The following HEATR5B variants were observed in gnomAD, a reference collection of about 807,000 sequenced individuals.
HEATR5B encodes the protein HEAT repeat-containing protein 5B.
A neutral mutation model predicts 224.1 loss-of-function variants in HEATR5B; 156 were observed. The ratio of observed to expected loss-of-function variants is 0.70; its 90% CI spans 0.61 to 0.80. The LOEUF is 0.80. HEATR5B is among the 30% of genes least tolerant of loss of function. The pLI, the probability that HEATR5B is intolerant of heterozygous loss-of-function variation, is 0.00. For synonymous variants in HEATR5B, 1,027 were observed against 893.0 expected, an observed-to-expected ratio of 1.15 and a Z score of -2.68; for missense variants, 2,323 against 2,535.5, an observed-to-expected ratio of 0.92 and a Z score of 1.80.
At chr2:37,061,900 T>C (rs764944651) in intron 11 of HEATR5B, 39 bp downstream of exon 11, 2 of 1,235,082 alleles carry the variant, frequency 1.6e-6, no homozygotes, top group African/African-American at 1.5e-5. Context: ...CTACTGACAG[T>C]TATAGCGTGA....
At chr2:37,034,933 C>G (rs1206680235) in intron 21 of HEATR5B, among the ~76,000 whole-genome samples, 2 of 152,168 alleles carry the variant, frequency 1.3e-5, no homozygotes, top group Admixed American at 1.3e-4. Context: ...TAACTAATTA[C>G]AAAGTTCAAG....
intron 28 of HEATR5B, 70 bp downstream of exon 28, chr2:37,008,541 A>G (rs1353046059): frequency 9.5e-6 from 10 of 1,050,648 alleles, no homozygotes; most frequent in East Asian, 2.4e-5. Flanking sequence ...TTGCTAGTCT[A>G]TACCGTCTCT....
intron 1 of HEATR5B, 98 bp from the exon 2 acceptor site, chr2:37,083,534 T>C (rs375264887): frequency 2.3e-6 from 2 of 855,524 alleles, no homozygotes; most frequent in African/African-American, 1.7e-5. Context: ...GGACTACTCA[T>C]TTCATTTGGG....
At chr2:37,043,465 T>G (rs1670000200) in intron 18 of HEATR5B, among the ~76,000 whole-genome samples, 1 of 152,216 alleles carries the variant, frequency 6.6e-6, no homozygotes, top group Non-Finnish European at 1.5e-5. Flanking sequence ...GCCAAAGCTT[T>G]AGCGAAAAAA....
intron 35 of HEATR5B, among the ~76,000 whole-genome samples, chr2:36,985,801 C>T (rs1271418798): frequency 1.3e-5 from 2 of 151,848 alleles, no homozygotes; most frequent in African/African-American, 4.8e-5. Flanking sequence ...ATTAATAATG[C>T]TACAAATTGG....
chr2:37,082,116 C>A (rs1050573551), intron 2 of HEATR5B, among the ~76,000 whole-genome samples: 7 of 126,104 alleles, frequency 5.6e-5, no homozygotes, highest in Non-Finnish European at 9.4e-5. Context: ...GTCCCCCGGG[C>A]TGGAGTGCAT....
rs369061157 is a variant in HEATR5B at position 37,074,042 on chromosome 2, C to T, written c.597+1443G>A. Among the ~76,000 whole-genome samples, 139 of 152,204 alleles carry T rather than the reference C, an allele frequency of 9.1e-4. 2 individuals carry two copies. The South Asian group carries it at 0.028, about 30-fold the overall frequency. ...GCTTTTCGAAATGGTACTGGAGGGG[C>T]CGGGTGTGGTGGCTCACGCCTGTAA... On this transcript the variant is annotated intron_variant, in intron 5 of 35. Transcript: ENST00000233099.
rs537504406 is a variant in HEATR5B at position 37,002,837 on chromosome 2, T to C, written c.5051-265A>G. ...ATTTTGTAATAGGAATAACACATGT[T>C]AGGTTGAACCAGATGAAATTGACAA... is the stretch of plus-strand genomic sequence containing the variant. On this transcript the variant is annotated intron_variant, in intron 31 of 35. Transcript: ENST00000233099. Among the ~76,000 whole-genome samples, 4 of 152,334 alleles carry C rather than the reference T, an allele frequency of 2.6e-5. No individual in the cohort carries two copies. In the East Asian group the frequency reaches 5.8e-4, roughly 22 times the overall value.
At chr2:37,037,379 A>T (rs1669564423) in intron 21 of HEATR5B, among the ~76,000 whole-genome samples, 1 of 151,520 alleles carries the variant, frequency 6.6e-6, no homozygotes, top group African/African-American at 2.4e-5. Flanking sequence ...TCCTGACCTC[A>T]TGATCTGCCC....
intron 27 of HEATR5B, 107 bp downstream of exon 27, chr2:37,013,734 G>T: frequency 1.3e-6 from 1 of 789,126 alleles, no homozygotes; most frequent in Non-Finnish European, 2.0e-6. Context: ...CCATATCAAG[G>T]GTTAGTTTTT....
chr2:37,000,368 G>A (rs1188366602), intron 33 of HEATR5B, among the ~76,000 whole-genome samples: 2 of 152,054 alleles, frequency 1.3e-5, no homozygotes, highest in Non-Finnish European at 2.9e-5. Flanking sequence ...GGGCCACCAC[G>A]CCTGGCCCCA....
chr2:37,038,906 G>GT (rs1491306783), intron 20 of HEATR5B, among the ~76,000 whole-genome samples: 23 of 124,092 alleles, frequency 1.9e-4, no homozygotes, highest in African/African-American at 6.2e-4. Context: ...TCTCCCTGGG[G>GT]TGGGGGGGGT....
In HEATR5B at chr2:37,028,083, T is replaced by A. The variant is rs751500585; in HGVS notation, c.3693A>T (p.Leu1231Phe). Reference sequence around the variant, plus strand: ...AGGGCTTTGATTTATCTTCTTCACCTAACGTGGTAAACATGGTATCATCAT... The same window carrying A: ...AGGGCTTTGATTTATCTTCTTCACCAAACGTGGTAAACATGGTATCATCAT... ...EMDDDTMFTT[L>F]GEEDKSKPFV... Residue 1231 changes from leucine (L) to phenylalanine (F), a missense_variant, in exon 24 of 36, where the codon TTA becomes TTT. Around this residue, in one of 12 missense-constraint regions of HEATR5B, gnomAD observed 339 missense variants for 378.4 expected, o/e 0.90. Coordinates refer to ENST00000233099, the MANE Select transcript of HEATR5B (RefSeq NM_019024.3). 5.6e-6 allele frequency: 9 copies of A among 1,613,854 alleles called. No homozygotes were observed. Among genetic ancestry groups the A allele is most frequent in the Non-Finnish European group, 7.6e-6 (9 of 1,179,712 alleles).
At position 37,049,717 on chromosome 2, in the gene HEATR5B, T is replaced by C; in HGVS notation, c.2632A>G (p.Arg878Gly). The C allele has an allele frequency of 1.9e-6, 3 of 1,614,086 alleles. No individual in the cohort carries two copies. The South Asian group carries it at 3.3e-5, about 18-fold the overall frequency. Residue 878 changes from arginine to glycine, a missense_variant, in exon 18 of 36, where the codon AGA (arginine) becomes GGA (glycine). Physicochemically the swap from Arg to Gly is moderately radical, Grantham distance 125. Transcript: ENST00000233099. Reference sequence around the variant, plus strand: ...GCTTCTCCAACCACCTGAGCCATTCTTCCAAGAGCTTCCCCCGCTGCACAA... The same window carrying C: ...GCTTCTCCAACCACCTGAGCCATTCCTCCAAGAGCTTCCCCCGCTGCACAA... The part of the protein sequence containing the change: ...LRCAAGEALG[R>G]MAQVVGEATF...
At chr2:37,041,404 A>C in intron 18 of HEATR5B, 112 bp from the exon 19 acceptor site, 1 of 965,420 alleles carries the variant, frequency 1.0e-6, no homozygotes, top group Non-Finnish European at 1.6e-6. Flanking sequence ...AAAAGATTAT[A>C]ATCAGTTACT....
intron 35 of HEATR5B, among the ~76,000 whole-genome samples, chr2:36,982,863 TACACACACACACAC>T (rs3836070): frequency 7.9e-4 from 100 of 126,060 alleles, no homozygotes; most frequent in East Asian, 6.0e-3. Flanking sequence ...CAGACACAGA[TACACACACACACAC>T]ACACACACAC....
At chr2:37,052,111 G>A (rs1407910318) in intron 17 of HEATR5B, among the ~76,000 whole-genome samples, 4 of 152,102 alleles carry the variant, frequency 2.6e-5, no homozygotes, top group South Asian at 2.1e-4. Flanking sequence ...TATGACTTAA[G>A]CATGACCTAA....
In HEATR5B at chr2:37,056,475, A is replaced by G; in HGVS notation, c.2364T>C (p.Phe788=). The G allele has an allele frequency of 6.2e-7, 1 of 1,610,174 alleles. No individual in the cohort carries two copies. The highest frequency in any genetic ancestry group is 8.5e-7 in the Non-Finnish European group (1 of 1,178,320). The change falls in exon 16 of 36, where the codon TTT becomes TTC. Residue 788 remains phenylalanine (F), a synonymous_variant. Transcript: ENST00000233099. The stretch of plus-strand genomic sequence containing the variant: ...AAGAAACATGAGGAAACACTACACC[A>G]AAAAGGGCCACAGAAGCATCAATGA... ...VSVIDASVAL[F]GVVFPHVSYK... is the part of the protein sequence containing the mutation.
chr2:37,038,948 T>C (rs1669702402), intron 20 of HEATR5B, among the ~76,000 whole-genome samples: 1 of 150,134 alleles, frequency 6.7e-6, no homozygotes, highest in African/African-American at 2.4e-5. Context: ...TTTCTAGCAT[T>C]TTCTTTAAGT....
Sources: allele counts gnomAD v4.1 joint callset (sites outside exome capture counted in the v4.1 genomes callset), GRCh38; gene constraint gnomAD v4.1.1; regional missense constraint gnomAD v4.1.1; transcripts MANE v1.5; gene names NCBI Gene and HGNC (gene_info 2026-07-23, HGNC 2026-07-21).